The following ENPEP variants were observed in gnomAD, a reference collection of about 807,000 sequenced individuals.
The protein encoded by ENPEP is AP-A.
A neutral mutation model predicts 114.5 loss-of-function variants in ENPEP; 103 were observed. That is an observed-to-expected ratio of 0.90 (90% CI 0.77 to 1.06). ENPEP has a LOEUF of 1.06. Ranked by LOEUF, ENPEP falls within the 50% of genes least tolerant of loss-of-function variation. ENPEP has a pLI of 0.00. For missense variants in ENPEP, 1,196 were observed against 1,161.3 expected, an observed-to-expected ratio of 1.03 and a Z score of -0.43; for synonymous variants, 420 against 422.0, an observed-to-expected ratio of 1.00 and a Z score of 0.06.
intron 6 of ENPEP, chr4:110,512,920 G>T (rs1423433341): frequency 6.6e-6 from 1 of 152,600 alleles, no homozygotes; most frequent in Non-Finnish European, 1.5e-5. Context: ...GAAACGAGAG[G>T]TGATTAGAAC....
At chr4:110,527,592 G>T (rs918312072) in intron 10 of ENPEP, among the ~76,000 whole-genome samples, 1 of 152,044 alleles carries the variant, frequency 6.6e-6, no homozygotes, top group African/African-American at 2.4e-5. Context: ...GATCTGACTT[G>T]TTTTCAGGTG....
chr4:110,480,670 A>C (rs747441931), intron 1 of ENPEP, among the ~76,000 whole-genome samples: 3 of 152,166 alleles, frequency 2.0e-5, no homozygotes, highest in Non-Finnish European at 4.4e-5. Context: ...TACAATCAGG[A>C]CTTTGAGCTT....
Position 110,537,110 on chromosome 4 carries a change from C to T in ENPEP, c.1808-5641C>T, listed in dbSNP as rs143002005. Among the ~76,000 whole-genome samples the T allele has an allele frequency of 3.3e-3, 510 of 152,272 alleles. 19 individuals are homozygous for T. In the East Asian group the frequency reaches 0.043, roughly 13 times the overall value. On this transcript the variant is annotated intron_variant, in intron 11 of 19. Coordinates refer to ENST00000265162, the MANE Select transcript of ENPEP (RefSeq NM_001977.4). Reference sequence around the variant, plus strand: ...TTTTTACTGATAAAGGGTCTTGCCTCAGTGTTGATGGCTGCTAGCTAATTA... The same window carrying T: ...TTTTTACTGATAAAGGGTCTTGCCTTAGTGTTGATGGCTGCTAGCTAATTA...
chr4:110,477,038 C>G lies in ENPEP; in HGVS notation c.624C>G (p.Tyr208Ter), dbSNP rs570578186. The change falls in exon 1 of 20, where the codon TAC becomes TAG. Residue 208 changes from tyrosine (Y) to a stop codon, truncating the protein, a stop_gained. Coordinates refer to ENST00000265162, the MANE Select transcript of ENPEP (RefSeq NM_001977.4). LOFTEE classifies it high-confidence loss of function. Reference sequence around the variant, plus strand: ...TCGTGGGATTTTATAGAACCACCTACACGGAGAACGGACAAGTCAAGTAAA... The same window carrying G: ...TCGTGGGATTTTATAGAACCACCTAGACGGAGAACGGACAAGTCAAGTAAA... ...GSLVGFYRTTYTENGQVKSIV... is the reference protein window; with the variant it reads ...GSLVGFYRTT 3 of 1,613,818 alleles carry G rather than the reference C, an allele frequency of 1.9e-6. No individual in the cohort carries two copies. Among genetic ancestry groups the G allele is most frequent in the African/African-American group, 2.7e-5 (2 of 74,940 alleles).
rs537937568 is a variant in ENPEP at position 110,550,164 on chromosome 4, A to G, written c.2501+278A>G. Among the ~76,000 whole-genome samples the G allele has an allele frequency of 2.2e-3, 330 of 152,158 alleles. 1 individual carries two copies. Among genetic ancestry groups the G allele is most frequent in the Non-Finnish European group, 3.4e-3 (230 of 67,972 alleles). On this transcript the variant is annotated intron_variant, in intron 17 of 19. Transcript: ENST00000265162. ...CAGGCTCTTCTCTTTCTGATTTTCA[A>G]TGATCGACATGTTGGATGTCTCATG...
At chr4:110,506,592 A>G in intron 3 of ENPEP, 45 bp from the exon 4 acceptor site, 1 of 1,557,988 alleles carries the variant, frequency 6.4e-7, no homozygotes, top group Non-Finnish European at 8.7e-7. Context: ...TATTTTGTTG[A>G]ATGAAGAATA....
At chr4:110,527,828 T>C (rs572602683) in intron 10 of ENPEP, among the ~76,000 whole-genome samples, 17 of 152,312 alleles carry the variant, frequency 1.1e-4, no homozygotes, top group African/African-American at 3.8e-4. Flanking sequence ...TATGTATCCA[T>C]TAATTTGTTA....
intron 18 of ENPEP, 47 bp downstream of exon 18, chr4:110,553,502 T>C (rs202187553): frequency 1.9e-5 from 30 of 1,546,704 alleles, no homozygotes; most frequent in Non-Finnish European, 2.5e-5. Flanking sequence ...TTTCATACTA[T>C]CTACTGGTTC....
At chr4:110,559,386 A>G (rs981184745) in intron 18 of ENPEP, among the ~76,000 whole-genome samples, 1 of 152,072 alleles carries the variant, frequency 6.6e-6, no homozygotes, top group Non-Finnish European at 1.5e-5. Context: ...GAAAAAAAAA[A>G]AACAGATTTG....
chr4:110,526,319 C>T (rs1053305774), intron 10 of ENPEP, among the ~76,000 whole-genome samples: 4 of 152,022 alleles, frequency 2.6e-5, no homozygotes, highest in Admixed American at 1.3e-4. Flanking sequence ...GAAATTACAG[C>T]GTATATGAAA....
chr4:110,520,056 T>C lies in ENPEP; in HGVS notation c.1558T>C (p.Trp520Arg). Residue 520 changes from tryptophan to arginine, a missense_variant, in exon 9 of 20, where the codon TGG becomes CGG. Coordinates refer to ENST00000265162, the MANE Select transcript of ENPEP (RefSeq NM_001977.4). ...QFKNAKTSDF[W>R]AALEEASRLP... is the part of the protein sequence containing the mutation. ...CAAGAATGCAAAAACTTCTGATTTT[T>C]GGGCAGCACTGGAAGAGGTAAGGAA... 6.2e-7 allele frequency: 1 copy of C among 1,614,064 alleles called. No individual in the cohort carries two copies. Among genetic ancestry groups the C allele is most frequent in the South Asian group, 1.1e-5 (1 of 91,062 alleles).
intron 1 of ENPEP, among the ~76,000 whole-genome samples, chr4:110,485,623 G>A (rs1724474910): frequency 6.6e-6 from 1 of 152,096 alleles, no homozygotes; most frequent in Admixed American, 6.5e-5. Context: ...TTCCCCCAGT[G>A]CAGTACCCAG....
At chr4:110,524,160 T>C (rs1469569934) in intron 10 of ENPEP, among the ~76,000 whole-genome samples, 2 of 152,140 alleles carry the variant, frequency 1.3e-5, no homozygotes, top group Non-Finnish European at 2.9e-5. Flanking sequence ...AATGGGTAAG[T>C]TAATAAATAT....
intron 3 of ENPEP, chr4:110,500,021 G>T (rs1292692008): frequency 6.6e-6 from 1 of 152,108 alleles, no homozygotes; most frequent in Non-Finnish European, 1.5e-5. Flanking sequence ...GCTTGGTTTT[G>T]GTTGCAGGGA....
intron 1 of ENPEP, among the ~76,000 whole-genome samples, chr4:110,481,763 G>T (rs543778748): frequency 2.0e-4 from 30 of 152,274 alleles, no homozygotes; most frequent in Non-Finnish European, 3.7e-4. Flanking sequence ...TGCAATCTCC[G>T]TAGTTTAAAG....
At chr4:110,508,036 A>T (rs1450265855) in intron 4 of ENPEP, among the ~76,000 whole-genome samples, 1 of 152,142 alleles carries the variant, frequency 6.6e-6, no homozygotes, top group Non-Finnish European at 1.5e-5. Context: ...TTTGCCTTTT[A>T]TCTCAGTTGT....
rs139507887 is a variant in ENPEP at position 110,542,809 on chromosome 4, T to C, written c.1866T>C (p.Asp622=). The change falls in exon 12 of 20, where the codon GAT becomes GAC. Residue 622 remains aspartate, a synonymous_variant. Transcript: ENST00000265162. ...ATGCTTTTCTCAAAATAAACCCAGA[T>C]CATATTGGGTTTTATCGTGTAAATT... The part of the protein sequence containing the change: ...SGNAFLKINP[D]HIGFYRVNYE... 4.3e-6 allele frequency: 7 copies of C among 1,612,628 alleles called. No homozygotes were observed. In the African/African-American group the frequency reaches 9.4e-5, roughly 22 times the overall value.
At chr4:110,541,619 A>C (rs1726850468) in intron 11 of ENPEP, among the ~76,000 whole-genome samples, 1 of 152,108 alleles carries the variant, frequency 6.6e-6, no homozygotes, top group South Asian at 2.1e-4. Flanking sequence ...CAGAAAATAG[A>C]CTTGAGCATG....
chr4:110,498,843 C>G (rs1302186221), intron 3 of ENPEP, among the ~76,000 whole-genome samples: 1 of 152,208 alleles, frequency 6.6e-6, no homozygotes, highest in Non-Finnish European at 1.5e-5. Context: ...AACCTTCCCT[C>G]ACCTTCCCTG....
Sources: allele counts gnomAD v4.1 joint callset (sites outside exome capture counted in the v4.1 genomes callset), GRCh38; gene constraint gnomAD v4.1.1; transcripts MANE v1.5; gene names NCBI Gene and HGNC (gene_info 2026-07-23, HGNC 2026-07-21).